Variants in UNC13C observed in about 807,000 individuals in gnomAD.
UNC13C encodes protein unc-13 homolog C.
In UNC13C, 174 loss-of-function variants were observed where a neutral mutation model predicts 245.4. That is an observed-to-expected ratio of 0.71 (90% CI 0.63 to 0.80). UNC13C has a LOEUF of 0.80. UNC13C is among the 30% of genes least tolerant of loss of function. The probability of loss-of-function intolerance (pLI) is 0.00; values close to 1 mark genes in which losing one functional copy is unlikely to be tolerated. For synonymous variants in UNC13C, 992 were observed against 895.1 expected, an observed-to-expected ratio of 1.11 and a Z score of -1.93; for missense variants, 2,829 against 2,602.9, an observed-to-expected ratio of 1.09 and a Z score of -1.89.
At position 54,393,039 on chromosome 15, in the gene UNC13C, T is replaced by G. The variant is rs749060598; in HGVS notation, c.4714-9T>G. On this transcript the variant is annotated splice_polypyrimidine_tract_variant and intron_variant, in intron 17 of 32. Transcript: ENST00000260323. ...TTTTCTTTTGCATGTTGCGTGAACTTGTGAGCAGAGTAAGAAACAGGATAT... is the reference window on the plus strand; with the variant it reads ...TTTTCTTTTGCATGTTGCGTGAACTGGTGAGCAGAGTAAGAAACAGGATAT... The G allele has an allele frequency of 8.2e-6, 13 of 1,586,494 alleles. No individual in the cohort carries two copies. Among genetic ancestry groups the G allele is most frequent in the Non-Finnish European group, 1.1e-5 (13 of 1,170,054 alleles).
At position 54,015,667 on chromosome 15, in the gene UNC13C, T is replaced by G; in HGVS notation, c.2764T>G (p.Tyr922Asp). 1.9e-6 allele frequency: 3 copies of G among 1,613,684 alleles called. No homozygotes were observed. In the South Asian group the frequency reaches 3.3e-5, roughly 18 times the overall value. Residue 922 changes from tyrosine (Y) to aspartate (D), a missense_variant, in exon 2 of 33, where the codon TAT becomes GAT. Transcript: ENST00000260323. Reference protein sequence around the residue: ...TPYETPQDEGYDGPADDMVSE... With the variant: ...TPYETPQDEGDDGPADDMVSE... ...TTATGAAACCCCACAAGATGAGGGT[T>G]ATGATGGTCCAGCAGATGATATGGT... is the stretch of plus-strand genomic sequence containing the variant.
At chr15:54,419,807 G>A (rs2040599786) in intron 19 of UNC13C, among the ~76,000 whole-genome samples, 1 of 151,892 alleles carries the variant, frequency 6.6e-6, no homozygotes. Flanking sequence ...GATGGTATTA[G>A]AATTTAAATT....
chr15:54,574,351 T>A (rs1361204310), intron 30 of UNC13C, among the ~76,000 whole-genome samples: 1 of 152,146 alleles, frequency 6.6e-6, no homozygotes, highest in African/African-American at 2.4e-5. Flanking sequence ...TTACTTACAG[T>A]TTTAGAAGCT....
chr15:54,532,712 C>G (rs1895809120), intron 25 of UNC13C, among the ~76,000 whole-genome samples: 1 of 152,144 alleles, frequency 6.6e-6, no homozygotes, highest in African/African-American at 2.4e-5. Flanking sequence ...ACCTGAAGAA[C>G]AGCACTTTTA....
Position 54,449,710 on chromosome 15 carries a change from A to G in UNC13C, c.4933+34643A>G, listed in dbSNP as rs144921330. Reference sequence around the variant, plus strand: ...TTTCAAGGTTTTTAACTTCTTTGCAATGGGTTCAAACTTCCTCCTTTAGCT... The same window carrying G: ...TTTCAAGGTTTTTAACTTCTTTGCAGTGGGTTCAAACTTCCTCCTTTAGCT... On this transcript the variant is annotated intron_variant, in intron 19 of 32. Coordinates refer to ENST00000260323, the MANE Select transcript of UNC13C (RefSeq NM_001080534.3). 3.9e-4 allele frequency among the ~76,000 whole-genome samples: 60 copies of G among 152,218 alleles called. No individual in the cohort carries two copies. In the East Asian group the frequency reaches 9.5e-3, roughly 24 times the overall value.
At chr15:53,919,522 C>A in the UNC13C span, among the ~76,000 whole-genome samples, 1 of 152,144 alleles carries the variant, frequency 6.6e-6, no homozygotes, top group Non-Finnish European at 1.5e-5. Flanking sequence ...AAACAGAATG[C>A]AACTAAGTTC....
chr15:53,924,202 ATC>A, the UNC13C span, among the ~76,000 whole-genome samples: 1 of 150,130 alleles, frequency 6.7e-6, no homozygotes, highest in Non-Finnish European at 1.5e-5. Context: ...GTGAGACTTT[ATC>A]TCAAAAAAAC....
intron 14 of UNC13C, among the ~76,000 whole-genome samples, chr15:54,330,139 A>G (rs896564168): frequency 7.2e-5 from 11 of 152,162 alleles, no homozygotes; most frequent in African/African-American, 2.4e-4. Context: ...TAGGTGGGAA[A>G]AGGGAAGAAA....
chr15:54,506,112 A>C (rs1894462181), intron 22 of UNC13C, among the ~76,000 whole-genome samples: 1 of 152,184 alleles, frequency 6.6e-6, no homozygotes, highest in Non-Finnish European at 1.5e-5. Flanking sequence ...AGAATTAAAA[A>C]ATCTCACATG....
intron 17 of UNC13C, among the ~76,000 whole-genome samples, chr15:54,345,326 A>T (rs770958906): frequency 2.0e-5 from 3 of 152,234 alleles, no homozygotes; most frequent in Non-Finnish European, 2.9e-5. Flanking sequence ...CCTATTATAA[A>T]CAAGATTGAA....
intron 4 of UNC13C, among the ~76,000 whole-genome samples, chr15:54,200,004 T>G (rs1448200321): frequency 6.6e-6 from 1 of 152,066 alleles, no homozygotes; most frequent in Admixed American, 6.5e-5. Flanking sequence ...TCCATGCAAA[T>G]GGACACCAAA....
chr15:53,996,303 G>A (rs529045383), intron 1 of UNC13C, among the ~76,000 whole-genome samples: 2 of 152,238 alleles, frequency 1.3e-5, no homozygotes, highest in South Asian at 2.1e-4. Context: ...TCAAGAAGAC[G>A]TTTCTGTATC....
At chr15:54,205,058 T>C (rs1403091634) in intron 4 of UNC13C, among the ~76,000 whole-genome samples, 1 of 152,032 alleles carries the variant, frequency 6.6e-6, no homozygotes, top group African/African-American at 2.4e-5. Flanking sequence ...GGTTTCCTAA[T>C]CCTGACTGAT....
downstream of UNC13C, chr15:54,632,557 TTGAG>T (rs1901474312): frequency 6.6e-6 from 1 of 152,194 alleles, no homozygotes; most frequent in Non-Finnish European, 1.5e-5. Flanking sequence ...TAAATTACAA[TTGAG>T]TAATTAATTA....
At chr15:54,156,491 A>G (rs1212740198) in intron 4 of UNC13C, among the ~76,000 whole-genome samples, 2 of 152,194 alleles carry the variant, frequency 1.3e-5, no homozygotes, top group East Asian at 3.9e-4. Context: ...CAGTTATTCC[A>G]GAGTCACAGA....
At chr15:53,871,773 T>C in the UNC13C span, among the ~76,000 whole-genome samples, 1 of 152,298 alleles carries the variant, frequency 6.6e-6, no homozygotes, top group East Asian at 1.9e-4. Flanking sequence ...TCGCCTAGCA[T>C]CTTGATTGAA....
At chr15:54,262,410 A>G (rs570044335) in intron 8 of UNC13C, among the ~76,000 whole-genome samples, 6 of 152,274 alleles carry the variant, frequency 3.9e-5, no homozygotes, top group Non-Finnish European at 7.4e-5. Flanking sequence ...TGCAGGGAAC[A>G]TTTTCCAGTC....
chr15:53,979,400 A>G (rs556480064), intron 1 of UNC13C, among the ~76,000 whole-genome samples: 146 of 124,222 alleles, frequency 1.2e-3, no homozygotes, highest in African/African-American at 3.6e-3. Context: ...AAGCTTTACC[A>G]ATGATTTTTT....
chr15:54,449,990 C>T (rs141496694), intron 19 of UNC13C, among the ~76,000 whole-genome samples: 48 of 152,338 alleles, frequency 3.2e-4, no homozygotes, highest in African/African-American at 9.9e-4. Flanking sequence ...TTCCTTCTAA[C>T]AGTCAAGACC....
Sources: allele counts gnomAD v4.1 joint callset (sites outside exome capture counted in the v4.1 genomes callset), GRCh38; gene constraint gnomAD v4.1.1; transcripts MANE v1.5; gene names NCBI Gene and HGNC (gene_info 2026-07-23, HGNC 2026-07-21).